The following YAE1 variants were observed in gnomAD, a reference collection of about 807,000 sequenced individuals.
The protein encoded by YAE1 is YAE1 maturation factor of ABCE1.
YAE1 carries 22 observed loss-of-function variants against 23.0 expected under a neutral mutation model. The observed-to-expected ratio is 0.96, with a 90% CI of 0.68 to 1.37. The LOEUF (loss-of-function observed/expected upper bound fraction) is 1.37, where lower values mean the gene tolerates loss of function less well. Among genes scored for constraint, YAE1 ranks in the 40% most tolerant of loss-of-function variants. YAE1 has a pLI of 0.00. For synonymous variants in YAE1, 101 were observed against 97.0 expected, an observed-to-expected ratio of 1.04 and a Z score of -0.24; for missense variants, 260 against 262.1, an observed-to-expected ratio of 0.99 and a Z score of 0.06.
rs762200468 is a variant in YAE1 at position 39,609,630 on chromosome 7, T to C, written c.265T>C (p.Trp89Arg). 5 of 1,534,978 alleles carry C rather than the reference T, an allele frequency of 3.3e-6. No homozygotes were observed. The African/African-American group carries it at 6.8e-5, about 21-fold the overall frequency. ...CTATCAAAACAGGAACTCAACGGAT[T>C]GGAGCCTACTGGGCTTGAGAGCCCC... The change falls in exon 3 of 3, where the codon TGG (tryptophan) becomes CGG (arginine). Residue 89 changes from tryptophan to arginine, a missense_variant. Trp to Arg is a moderately radical substitution (Grantham distance 101). Coordinates refer to the YAE1 transcript ENST00000432096.
chr7:39,582,909 CG>C (rs1165501355), intron 2 of YAE1, among the ~76,000 whole-genome samples: 1 of 152,138 alleles, frequency 6.6e-6, no homozygotes, highest in African/African-American at 2.4e-5. Context: ...TGCCAAAGAT[CG>C]GTATAGCTTT....
chr7:39,574,231 A>C (rs1018260938), downstream of YAE1, among the ~76,000 whole-genome samples: 3 of 152,254 alleles, frequency 2.0e-5, no homozygotes, highest in African/African-American at 4.8e-5. Context: ...TTTGTCGAAA[A>C]TGAAATCAGG....
chr7:39,582,141 G>C (rs1790751437), intron 2 of YAE1, among the ~76,000 whole-genome samples: 1 of 151,710 alleles, frequency 6.6e-6, no homozygotes, highest in Non-Finnish European at 1.5e-5. Flanking sequence ...ATTCTTTCTG[G>C]AAAGATCAGA....
At chr7:39,587,565 T>G (rs947745744) in intron 2 of YAE1, among the ~76,000 whole-genome samples, 1 of 152,182 alleles carries the variant, frequency 6.6e-6, no homozygotes, top group African/African-American at 2.4e-5. Flanking sequence ...CATGTTGTAT[T>G]TGGAATTTAC....
rs182153714 is a variant in YAE1 at position 39,583,582 on chromosome 7, A to G, written c.251+12955A>G. 1.4e-4 allele frequency among the ~76,000 whole-genome samples: 21 copies of G among 152,338 alleles called. No individual in the cohort carries two copies. In the East Asian group the frequency reaches 2.1e-3, roughly 15 times the overall value. On this transcript the variant is annotated intron_variant, in intron 2 of 2. Transcript: ENST00000432096. ...AGAATTTATTTGGTTCTCCACATTG[A>G]TTTGATTGTGGCAATAACTTTGGCC... is the stretch of plus-strand genomic sequence containing the variant.
chr7:39,590,986 T>C (rs1460988540), intron 2 of YAE1, among the ~76,000 whole-genome samples: 1 of 152,218 alleles, frequency 6.6e-6, no homozygotes, highest in Middle Eastern at 3.2e-3. Context: ...ACATTTATTT[T>C]CTCACAGTTC....
intron 1 of YAE1, among the ~76,000 whole-genome samples, chr7:39,568,024 T>C (rs562842669): frequency 1.7e-4 from 26 of 152,198 alleles, no homozygotes; most frequent in Non-Finnish European, 2.6e-4. Flanking sequence ...CAGGAAAATA[T>C]GAAGTTTGTA....
downstream of YAE1, among the ~76,000 whole-genome samples, chr7:39,575,640 C>T (rs948796635): frequency 6.6e-6 from 1 of 151,758 alleles, no homozygotes; most frequent in Non-Finnish European, 1.5e-5. Context: ...TACAGAAATT[C>T]TCAAATCTCT....
At chr7:39,579,082 G>A (rs188311506) in intron 2 of YAE1, among the ~76,000 whole-genome samples, 47 of 152,316 alleles carry the variant, frequency 3.1e-4, no homozygotes, top group African/African-American at 1.1e-3. Flanking sequence ...GAAAAAGAGA[G>A]GGGAAGTAAT....
intron 2 of YAE1, among the ~76,000 whole-genome samples, chr7:39,604,314 T>C (rs894334029): frequency 7.9e-5 from 12 of 152,232 alleles, no homozygotes; most frequent in Non-Finnish European, 1.6e-4. Flanking sequence ...CTATATCACA[T>C]GCCTGCCATT....
rs553581507 is a variant in YAE1 at position 39,566,797 on chromosome 7, A to G, written c.129+250A>G. On this transcript the variant is annotated intron_variant, in intron 1 of 2. Coordinates refer to ENST00000223273, the MANE Select transcript of YAE1 (RefSeq NM_020192.5). ...GGACCGACCAAAATTAACTATGTGT[A>G]GACTTTGAACAGTTTGCAGTTTGTT... is the stretch of plus-strand genomic sequence containing the variant. 16 of 417,044 alleles carry G rather than the reference A, an allele frequency of 3.8e-5. No individual in the cohort carries two copies. The East Asian group carries it at 8.1e-4, about 21-fold the overall frequency. The allele number at this position is 417,044 out of a possible 1,614,324, so 25.8% of individuals were successfully genotyped here. A position where few individuals can be genotyped will look rare whatever the true frequency, so the allele number is the denominator to read the frequency against.
At chr7:39,579,627 C>T (rs2115795305) in intron 2 of YAE1, among the ~76,000 whole-genome samples, 1 of 149,562 alleles carries the variant, frequency 6.7e-6, no homozygotes, top group Non-Finnish European at 1.5e-5. Context: ...GAGATCACGC[C>T]ACTGCACTCC....
At chr7:39,596,386 C>T (rs1265321547) in intron 2 of YAE1, among the ~76,000 whole-genome samples, 12 of 151,810 alleles carry the variant, frequency 7.9e-5, no homozygotes, top group Non-Finnish European at 1.2e-4. Flanking sequence ...TACAGGCGCC[C>T]GTCACCACAC....
chr7:39,601,533 G>A (rs2115843187), intron 2 of YAE1, among the ~76,000 whole-genome samples: 1 of 152,186 alleles, frequency 6.6e-6, no homozygotes, highest in Middle Eastern at 3.4e-3. Flanking sequence ...GCCGAGATGG[G>A]TGGATCACCT....
downstream of YAE1, among the ~76,000 whole-genome samples, chr7:39,577,365 C>T (rs557600785): frequency 6.6e-6 from 1 of 152,356 alleles, no homozygotes. Flanking sequence ...CCCTTCAGCC[C>T]GCTGCTGCGC....
intron 2 of YAE1, among the ~76,000 whole-genome samples, chr7:39,590,120 T>G (rs1045778374): frequency 6.6e-6 from 1 of 152,210 alleles, no homozygotes. Context: ...AGTGTATACA[T>G]AAGTCATTAC....
chr7:39,573,087 G>A (rs1171332919), downstream of YAE1, among the ~76,000 whole-genome samples: 1 of 151,658 alleles, frequency 6.6e-6, no homozygotes, highest in Admixed American at 6.6e-5. Context: ...CCAAACCAAA[G>A]TTATAAAAAT....
intron 2 of YAE1, among the ~76,000 whole-genome samples, chr7:39,580,053 C>CA (rs1374688807): frequency 1.3e-4 from 19 of 151,882 alleles, no homozygotes; most frequent in African/African-American, 3.4e-4. Flanking sequence ...TCTAAAAAAA[C>CA]AAAAAAAGCA....
Position 39,572,705 on chromosome 7 carries a change from A to G in YAE1, c.680A>G (p.Ter227=). 6.4e-7 allele frequency: 1 copy of G among 1,561,082 alleles called. No homozygotes were observed. Among genetic ancestry groups the G allele is most frequent in the Non-Finnish European group, 8.6e-7 (1 of 1,159,306 alleles). Residue 227 remains the stop codon, a stop_retained_variant, in exon 3 of 3, where the codon TAA becomes TGA. Transcript: ENST00000223273. ...GTATTACAACACCTCAAACAACTATAAAATTACCTTCCCTTTTCTAATGAA... is the reference window on the plus strand; with the variant it reads ...GTATTACAACACCTCAAACAACTATGAAATTACCTTCCCTTTTCTAATGAA... The part of the protein sequence containing the change: ...VDVLQHLKQL[*]
Sources: gnomAD v4.1 joint callset for allele counts (sites outside exome capture counted in the v4.1 genomes callset) on GRCh38, gnomAD v4.1.1 for gene constraint, MANE v1.5 for transcripts, NCBI Gene and HGNC (gene_info 2026-07-23, HGNC 2026-07-21) for gene names.